The following TCF4 variants were observed in gnomAD, a reference collection of about 807,000 sequenced individuals.
TCF4 encodes the protein SL3-3 enhancer factor 2.
A neutral mutation model predicts 82.1 loss-of-function variants in TCF4; 3 were observed. That is an observed-to-expected ratio of 0.04 (90% confidence interval 0.02 to 0.09). The LOEUF (loss-of-function observed/expected upper bound fraction) is 0.09, where lower values mean the gene tolerates loss of function less well. Ranked by LOEUF, TCF4 falls within the 10% of genes least tolerant of loss-of-function variation. The pLI is 1.00. For synonymous variants in TCF4, 276 were observed against 309.6 expected (o/e 0.89, Z 1.14); for missense variants, 518 against 852.7 (o/e 0.61, Z 4.89).
chr18:55,388,538 A>G (rs1313588721), intron 6 of TCF4, among the ~76,000 whole-genome samples: 1 of 152,128 alleles, frequency 6.6e-6, no homozygotes, highest in African/African-American at 2.4e-5. Flanking sequence ...AGAAATGCAC[A>G]TTTTTTCTCA....
chr18:55,237,551 C>G (rs984446612), intron 15 of TCF4, among the ~76,000 whole-genome samples: 2 of 148,828 alleles, frequency 1.3e-5, no homozygotes, highest in Non-Finnish European at 1.5e-5. Flanking sequence ...TTCACTGCAA[C>G]CTCTGCCTCC....
At chr18:55,590,463 A>G (rs2097683133), upstream of TCF4, among the ~76,000 whole-genome samples, 1 of 152,234 alleles carries the variant, frequency 6.6e-6, no homozygotes, top group South Asian at 2.1e-4. Context: ...AGTTTGTGCC[A>G]TAAGCCACGA....
intron 8 of TCF4, among the ~76,000 whole-genome samples, chr18:55,314,498 G>A (rs185760641): frequency 2.6e-5 from 4 of 150,984 alleles, no homozygotes; most frequent in East Asian, 3.9e-4. Context: ...GTTTAAATAC[G>A]CATGTAACAT....
At chr18:55,349,552 GA>G (rs1475863091) in intron 8 of TCF4, among the ~76,000 whole-genome samples, 2 of 151,552 alleles carry the variant, frequency 1.3e-5, no homozygotes, top group African/African-American at 2.4e-5. Context: ...AAGGAAGAAT[GA>G]AAAAAAGGAG....
chr18:55,489,315 C>T (rs1251261133), intron 3 of TCF4, among the ~76,000 whole-genome samples: 1 of 152,154 alleles, frequency 6.6e-6, no homozygotes, highest in African/African-American at 2.4e-5. Context: ...TCTGCCCACC[C>T]CTTGACCTCC....
At chr18:55,446,984 CAA>C (rs35946795) in intron 5 of TCF4, among the ~76,000 whole-genome samples, 18 of 84,148 alleles carry the variant, frequency 2.1e-4, no homozygotes, top group Non-Finnish European at 2.6e-4. Flanking sequence ...GACTCTGTCT[CAA>C]AAAAAAAAAA....
chr18:55,256,239 A>G (rs572763446), intron 14 of TCF4, among the ~76,000 whole-genome samples: 10 of 152,326 alleles, frequency 6.6e-5, no homozygotes, highest in African/African-American at 2.4e-4. Context: ...TTCAAACAGA[A>G]TGGAAGCTGT....
intron 6 of TCF4, among the ~76,000 whole-genome samples, chr18:55,357,271 A>C (rs909123781): frequency 1.3e-5 from 2 of 152,322 alleles, no homozygotes; most frequent in African/African-American, 4.8e-5. Flanking sequence ...GAAATTTAGC[A>C]AAAAGAAAAC....
chr18:55,302,538 A>C, intron 8 of TCF4: 1 of 1,535,874 alleles, frequency 6.5e-7, no homozygotes, highest in Non-Finnish European at 8.7e-7. Flanking sequence ...TCAGAACTTC[A>C]ATCTGACACA....
In TCF4 at chr18:55,338,290, C is replaced by A. The variant is rs529593518; in HGVS notation, c.549+12069G>T. On this transcript the variant is annotated intron_variant, in intron 8 of 19. Transcript: ENST00000354452. ...GATGTCCTCAAACTATGTGCCCTCC[C>A]CCGAGGGACTCTCTCCTGGCCCTCC... is the stretch of plus-strand genomic sequence containing the variant. Among the ~76,000 whole-genome samples the A allele has an allele frequency of 2.0e-5, 3 of 152,294 alleles. No individual in the cohort carries two copies. The East Asian group carries it at 5.8e-4, about 29-fold the overall frequency.
At chr18:55,433,076 C>G (rs555444967) in intron 5 of TCF4, among the ~76,000 whole-genome samples, 1 of 152,150 alleles carries the variant, frequency 6.6e-6, no homozygotes, top group African/African-American at 2.4e-5. Flanking sequence ...CATATCATCT[C>G]GATAACTTAT....
intron 2 of TCF4, chr18:55,586,071 C>T: frequency 7.0e-7 from 1 of 1,423,722 alleles, no homozygotes; most frequent in Non-Finnish European, 9.3e-7. Context: ...GGCTACGTTT[C>T]CTGGCAAAAC....
intron 3 of TCF4, among the ~76,000 whole-genome samples, chr18:55,468,577 G>A (rs2096084639): frequency 6.6e-6 from 1 of 152,126 alleles, no homozygotes; most frequent in Non-Finnish European, 1.5e-5. Flanking sequence ...TATATATACA[G>A]CTATAGAGCT....
chr18:55,377,061 T>C (rs2090936432), intron 6 of TCF4, among the ~76,000 whole-genome samples: 1 of 152,326 alleles, frequency 6.6e-6, no homozygotes, highest in Non-Finnish European at 1.5e-5. Context: ...TTCAGAGCCA[T>C]TGCCTACCTA....
intron 2 of TCF4, 155 bp from the exon 3 acceptor site, chr18:55,585,507 AAAC>A: frequency 1.3e-6 from 1 of 758,328 alleles, no homozygotes; most frequent in Non-Finnish European, 2.2e-6. Context: ...ACTAAAAGAG[AAAC>A]AACATTACAG....
intron 6 of TCF4, among the ~76,000 whole-genome samples, chr18:55,389,689 G>A (rs1480323622): frequency 6.6e-6 from 1 of 152,090 alleles, no homozygotes; most frequent in Non-Finnish European, 1.5e-5. Context: ...GGCAGAAACA[G>A]GGGCCAGGAT....
At chr18:55,342,227 TACTG>T (rs2080140965) in intron 8 of TCF4, among the ~76,000 whole-genome samples, 1 of 152,188 alleles carries the variant, frequency 6.6e-6, no homozygotes, top group Non-Finnish European at 1.5e-5. Context: ...GTAAAATAAT[TACTG>T]ACTGCAGTTT....
intron 3 of TCF4, among the ~76,000 whole-genome samples, chr18:55,529,619 C>T (rs1350581815): frequency 6.6e-6 from 1 of 152,078 alleles, no homozygotes; most frequent in Non-Finnish European, 1.5e-5. Context: ...GGCAATCTTA[C>T]CTAGATTTAC....
At chr18:55,564,471 T>C (rs1375818815) in intron 3 of TCF4, among the ~76,000 whole-genome samples, 1 of 152,208 alleles carries the variant, frequency 6.6e-6, no homozygotes, top group Non-Finnish European at 1.5e-5. Context: ...CAAGAAATGA[T>C]GGTGTCTTGA....
Sources: allele counts gnomAD v4.1 joint callset (sites outside exome capture counted in the v4.1 genomes callset), GRCh38; gene constraint gnomAD v4.1.1; transcripts MANE v1.5; gene names NCBI Gene and HGNC (gene_info 2026-07-23, HGNC 2026-07-21).